Variants in AGPS observed in about 807,000 individuals in gnomAD.
AGPS encodes alkylglycerone phosphate synthase, also known as alkyldihydroxyacetonephosphate synthase, peroxisomal.
A neutral mutation model predicts 90.7 loss-of-function variants in AGPS; 26 were observed. The observed-to-expected ratio is 0.29, with a 90% confidence interval of 0.21 to 0.40. The LOEUF (loss-of-function observed/expected upper bound fraction) is 0.40. Among genes scored for constraint, AGPS ranks in the 10% least tolerant of loss-of-function variants. The pLI is 1.00. For missense variants in AGPS, 540 were observed against 816.1 expected (o/e 0.66, Z 4.12); for synonymous variants, 294 against 285.3 (o/e 1.03, Z -0.31).
At position 177,491,429 on chromosome 2, in the gene AGPS, C is replaced by CTT. The variant is rs1051275473; in HGVS notation, c.1234-1701_1234-1700dup. Among the ~76,000 whole-genome samples, 650 of 118,244 alleles carry CTT rather than the reference C, an allele frequency of 5.5e-3. 5 individuals carry two copies. Among genetic ancestry groups the CTT allele is most frequent in the African/African-American group, 0.017 (533 of 31,176 alleles). The allele number at this position is 118,244 out of a possible 152,430, so 77.6% of individuals were successfully genotyped here. ...GTGTGCCACCATGTCTGACTAATTT[C>CTT]TTTTTTTTTTTTTTTTTTTGTATTT... On this transcript the variant is annotated intron_variant, in intron 11 of 19. Transcript: ENST00000264167.
intron 19 of AGPS, among the ~76,000 whole-genome samples, chr2:177,529,337 G>A (rs1186851439): frequency 6.6e-6 from 1 of 152,190 alleles, no homozygotes; most frequent in Admixed American, 6.5e-5. Flanking sequence ...CACTGTGGTG[G>A]CACATGCCTA....
At chr2:177,471,328 T>C (rs917995697) in intron 10 of AGPS, among the ~76,000 whole-genome samples, 2 of 152,160 alleles carry the variant, frequency 1.3e-5, no homozygotes, top group African/African-American at 4.8e-5. Flanking sequence ...AAAAACCTAT[T>C]TTCTCCATCC....
rs141117902 is a variant in AGPS, at chr2:177,505,052, G to A, written c.1476-454G>A. Among the ~76,000 whole-genome samples, 368 of 151,976 alleles carry A rather than the reference G, an allele frequency of 2.4e-3. 4 individuals are homozygous for A. Among genetic ancestry groups the A allele is most frequent in the Middle Eastern group, 0.01 (3 of 290 alleles). On this transcript the variant is annotated intron_variant, in intron 14 of 19. Coordinates refer to ENST00000264167, the MANE Select transcript of AGPS (RefSeq NM_003659.4). ...AAATATTTCTATGTAAGTATGTTTT[G>A]TCTCTCATTTAAATCATAAATTTCA... is the stretch of plus-strand genomic sequence containing the variant.
At chr2:177,482,284 C>A in intron 11 of AGPS, 98 bp downstream of exon 11, 2 of 654,566 alleles carry the variant, frequency 3.1e-6, no homozygotes, top group Non-Finnish European at 4.7e-6. Context: ...TATGTTACAA[C>A]TAATCTTCAT....
At chr2:177,466,936 T>C (rs1687472673) in intron 9 of AGPS, among the ~76,000 whole-genome samples, 2 of 152,096 alleles carry the variant, frequency 1.3e-5, no homozygotes, top group Admixed American at 6.5e-5. Context: ...CAGGGATGCC[T>C]GGATCCAGAG....
intron 12 of AGPS, among the ~76,000 whole-genome samples, chr2:177,495,596 G>C (rs1688389625): frequency 6.6e-6 from 1 of 152,022 alleles, no homozygotes; most frequent in African/African-American, 2.4e-5. Flanking sequence ...ATTTGGAAGT[G>C]AGTTTAATAT....
chr2:177,420,399 C>T, intron 2 of AGPS, 41 bp downstream of exon 2: 1 of 1,427,870 alleles, frequency 7.0e-7, no homozygotes, highest in South Asian at 1.1e-5. Context: ...TCCTTTAATT[C>T]TTTCTTTCTA....
rs745688229 is a variant in AGPS, at chr2:177,499,589, T to A, written c.1363-29T>A. 5.8e-6 allele frequency: 8 copies of A among 1,383,630 alleles called. No homozygotes were observed. In the South Asian group the frequency reaches 8.3e-5, roughly 14 times the overall value. 85.7% of individuals were successfully genotyped at this position (1,383,630 alleles called of 1,614,324 possible). A position where few individuals can be genotyped will look rare whatever the true frequency, so the allele number is the denominator to read the frequency against. ...ATTGTTTTGTAGGATAAGACTTATC[T>A]GTAATAATAAATTTTTTTTTTTTTG... On this transcript the variant is annotated intron_variant, in intron 13 of 19. Coordinates refer to ENST00000264167, the MANE Select transcript of AGPS (RefSeq NM_003659.4).
At chr2:177,454,479 T>A (rs1574380905) in intron 8 of AGPS, among the ~76,000 whole-genome samples, 1 of 151,910 alleles carries the variant, frequency 6.6e-6, no homozygotes, top group East Asian at 1.9e-4. Flanking sequence ...TCTTGTCAGC[T>A]GTGTCTAACG....
chr2:177,494,403 C>G (rs1688353982), intron 12 of AGPS, among the ~76,000 whole-genome samples: 1 of 152,116 alleles, frequency 6.6e-6, no homozygotes, highest in Non-Finnish European at 1.5e-5. Flanking sequence ...TAATGAAATA[C>G]TTAAATCAAG....
chr2:177,489,225 C>T lies in AGPS; in HGVS notation c.1234-3923C>T, dbSNP rs182791302. On this transcript the variant is annotated intron_variant, in intron 11 of 19. Transcript: ENST00000264167. ...TCAGCCTCCCCAGTAGCTGGGACTA[C>T]AGGCGCCTGCCACCACACCAGACTA... 2.2e-4 allele frequency among the ~76,000 whole-genome samples: 34 copies of T among 151,884 alleles called. No individual in the cohort carries two copies. In the East Asian group the frequency reaches 6.4e-3, roughly 29 times the overall value.
At chr2:177,496,068 T>G (rs1688405188) in intron 12 of AGPS, among the ~76,000 whole-genome samples, 1 of 152,184 alleles carries the variant, frequency 6.6e-6, no homozygotes, top group East Asian at 1.9e-4. Context: ...AGTATCACTT[T>G]TACAATAATT....
At chr2:177,480,822 G>C (rs1687923025) in intron 10 of AGPS, among the ~76,000 whole-genome samples, 1 of 151,928 alleles carries the variant, frequency 6.6e-6, no homozygotes, top group Admixed American at 6.6e-5. Flanking sequence ...TCTAAATTAT[G>C]TCTCAGTAAA....
At chr2:177,394,851 G>T (rs2105579092) in intron 1 of AGPS, among the ~76,000 whole-genome samples, 1 of 152,298 alleles carries the variant, frequency 6.6e-6, no homozygotes, top group Non-Finnish European at 1.5e-5. Context: ...AAGAATGGTA[G>T]CTGCAATTTT....
rs769887090 is a variant in AGPS, at chr2:177,434,394, G to C, written c.418G>C (p.Val140Leu). 14 of 1,612,770 alleles carry C rather than the reference G, an allele frequency of 8.7e-6. No individual in the cohort carries two copies. The highest frequency in any genetic ancestry group is 1.3e-5 in the African/African-American group (1 of 75,010). ...GATCCAAAATACCCTTGGAGTAAATGTGGAGCATAAAACTACCTCTAAAGT... is the reference window on the plus strand; with the variant it reads ...GATCCAAAATACCCTTGGAGTAAATCTGGAGCATAAAACTACCTCTAAAGT... ...EWIQNTLGVN[V>L]EHKTTSKASL... Residue 140 changes from valine to leucine, a missense_variant, in exon 3 of 20, where the codon GTG becomes CTG. This residue lies in a region of AGPS where 405 missense variants were observed against 692.1 expected (regional missense o/e 0.59). Transcript: ENST00000264167.
At chr2:177,490,965 C>T (rs977058255) in intron 11 of AGPS, among the ~76,000 whole-genome samples, 7 of 149,584 alleles carry the variant, frequency 4.7e-5, no homozygotes, top group South Asian at 2.1e-4. Context: ...AAGTGATTCT[C>T]CTGCCTCAGC....
At position 177,531,863 on chromosome 2, in the gene AGPS, G is replaced by C. The variant is rs572036028; in HGVS notation, c.1856-6211G>C. Among the ~76,000 whole-genome samples the C allele has an allele frequency of 2.7e-5, 4 of 150,714 alleles. No individual in the cohort carries two copies. In the South Asian group the frequency reaches 6.3e-4, roughly 24 times the overall value. ...ACAAATATGCCAAGCTGAGTTTGAC[G>C]AAAGTACAAAAGCAATCTAGCGGAG... On this transcript the variant is annotated intron_variant, in intron 19 of 19. Coordinates refer to ENST00000264167, the MANE Select transcript of AGPS (RefSeq NM_003659.4).
At chr2:177,434,997 G>GTGTATATA (rs1553509326) in intron 3 of AGPS, among the ~76,000 whole-genome samples, 1 of 128,160 alleles carries the variant, frequency 7.8e-6, no homozygotes, top group African/African-American at 3.1e-5. Flanking sequence ...TAAACTGTAG[G>GTGTATATA]TATATATATA....
rs1030164178 is a variant in AGPS at position 177,543,639 on chromosome 2, C to A, written c.*5444C>A. The A allele has an allele frequency of 6.6e-6, 1 of 152,234 alleles. No individual in the cohort carries two copies. Among genetic ancestry groups the A allele is most frequent in the Non-Finnish European group, 1.5e-5 (1 of 68,040 alleles). The allele number at this position is 152,234 out of a possible 1,614,324, so 9.4% of individuals were successfully genotyped here. A position where few individuals can be genotyped will look rare whatever the true frequency, so the allele number is the denominator to read the frequency against. The stretch of plus-strand genomic sequence containing the variant: ...TGGGAAGGAAAATTCCTGAGAGATT[C>A]CAGCATAGCTTTGTCAATTCCGACT... On this transcript the variant is annotated 3_prime_UTR_variant, in exon 20 of 20. Transcript: ENST00000264167.
Sources: gnomAD v4.1 joint callset for allele counts (sites outside exome capture counted in the v4.1 genomes callset) on GRCh38, gnomAD v4.1.1 for gene constraint, gnomAD v4.1.1 regional missense constraint, MANE v1.5 for transcripts, NCBI Gene and HGNC (gene_info 2026-07-23, HGNC 2026-07-21) for gene names.